Variants in ST7 observed in about 807,000 individuals in gnomAD.
The protein encoded by ST7 is suppressor of tumorigenicity 7 protein.
In ST7, 28 loss-of-function variants were observed where a neutral mutation model predicts 78.7. The observed-to-expected ratio is 0.36, with a 90% CI of 0.26 to 0.49. The LOEUF is 0.49. Ranked by LOEUF, ST7 falls within the 20% of genes least tolerant of loss-of-function variation. The pLI, the probability that ST7 is intolerant of heterozygous loss-of-function variation, is 0.99. For synonymous variants in ST7, 247 were observed against 249.6 expected, an observed-to-expected ratio of 0.99 and a Z score of 0.10; for missense variants, 418 against 696.0, an observed-to-expected ratio of 0.60 and a Z score of 4.49.
intron 12 of ST7, among the ~76,000 whole-genome samples, chr7:117,205,434 C>T (rs1791661295): frequency 6.6e-6 from 1 of 151,804 alleles, no homozygotes; most frequent in Non-Finnish European, 1.5e-5. Context: ...TTTCATATGA[C>T]TTATGCTATT....
At chr7:117,221,466 T>C (rs1793082897) in intron 14 of ST7, among the ~76,000 whole-genome samples, 1 of 152,202 alleles carries the variant, frequency 6.6e-6, no homozygotes, top group African/African-American at 2.4e-5. Context: ...CTCATTATAA[T>C]GATTTTTTAA....
chr7:117,049,509 G>A (rs1034778500), intron 1 of ST7, among the ~76,000 whole-genome samples: 6 of 152,090 alleles, frequency 3.9e-5, no homozygotes, highest in East Asian at 1.9e-4. Context: ...TTAAGTTGTC[G>A]TGTAATGACA....
chr7:117,214,376 A>G (rs1792524735), intron 13 of ST7, among the ~76,000 whole-genome samples: 1 of 152,126 alleles, frequency 6.6e-6, no homozygotes, highest in South Asian at 2.1e-4. Flanking sequence ...ATTTCCTTTG[A>G]GAGGGGAAAA....
chr7:117,047,795 T>G (rs989192398), intron 1 of ST7, among the ~76,000 whole-genome samples: 3 of 152,176 alleles, frequency 2.0e-5, no homozygotes, highest in African/African-American at 7.2e-5. Context: ...AGAAATCGAA[T>G]GCAGAAGTAA....
At chr7:117,139,105 T>G (rs1351403107) in intron 9 of ST7, among the ~76,000 whole-genome samples, 1 of 152,100 alleles carries the variant, frequency 6.6e-6, no homozygotes, top group Non-Finnish European at 1.5e-5. Flanking sequence ...AGCAAATAGG[T>G]GGAAGTTTTA....
At chr7:116,978,729 G>T (rs1445076781) in intron 1 of ST7, among the ~76,000 whole-genome samples, 1 of 152,076 alleles carries the variant, frequency 6.6e-6, no homozygotes, top group Non-Finnish European at 1.5e-5. Context: ...GGGACTACAG[G>T]CATGCACCAC....
intron 10 of ST7, among the ~76,000 whole-genome samples, chr7:117,178,904 C>T (rs999593064): frequency 3.9e-5 from 6 of 152,126 alleles, no homozygotes; most frequent in Admixed American, 1.3e-4. Flanking sequence ...AGTCATTCTC[C>T]CTAAGATGAC....
intron 1 of ST7, among the ~76,000 whole-genome samples, chr7:117,006,873 G>A (rs1795178426): frequency 6.6e-6 from 1 of 152,184 alleles, no homozygotes; most frequent in Non-Finnish European, 1.5e-5. Flanking sequence ...TTTGATGTTA[G>A]TATTGTAGTT....
In ST7 at chr7:117,190,362, G is replaced by A; in HGVS notation, c.1152-472G>A. ...CATGCACACACCCTCTGCCGGAATG[G>A]CCCCAAGCAGGCTCGCCTGCTGCTG... On this transcript the variant is annotated intron_variant, in intron 11 of 15. Coordinates refer to ENST00000323984, the MANE Select transcript of ST7 (RefSeq NM_001369598.1). This position sits in a 1 kb window ranked among gnomAD's most constrained non-coding sequence, Gnocchi z 5.2. 1 of 170,870 alleles carries A rather than the reference G, an allele frequency of 5.9e-6. No homozygotes were observed. Among genetic ancestry groups the A allele is most frequent in the Non-Finnish European group, 1.4e-5 (1 of 71,002 alleles). 10.6% of individuals were successfully genotyped at this position (170,870 alleles called of 1,614,324 possible).
intron 15 of ST7, chr7:117,223,618 C>A: frequency 6.6e-6 from 1 of 151,786 alleles, no homozygotes; most frequent in African/African-American, 2.5e-5. Flanking sequence ...ACTGTCACCA[C>A]CCTGCTCATC....
At chr7:117,130,462 T>C (rs1804254872) in intron 4 of ST7, 29 bp from the exon 5 acceptor site, 1 of 1,528,768 alleles carries the variant, frequency 6.5e-7, no homozygotes, top group African/African-American at 1.4e-5. Context: ...CTCTCAAAAG[T>C]GTCTAATCAT....
intron 1 of ST7, among the ~76,000 whole-genome samples, chr7:116,984,871 C>T (rs1302097061): frequency 2.6e-5 from 4 of 151,976 alleles, no homozygotes; most frequent in Admixed American, 1.3e-4. Context: ...CTGGCATTAC[C>T]CTTGATTTAG....
At chr7:117,102,685 G>C (rs954586841) in intron 2 of ST7, among the ~76,000 whole-genome samples, 1 of 152,088 alleles carries the variant, frequency 6.6e-6, no homozygotes, top group Non-Finnish European at 1.5e-5. Context: ...ATCCAGAGAG[G>C]ACAAGGAGTA....
chr7:117,149,674 G>T (rs1806101177), intron 9 of ST7, among the ~76,000 whole-genome samples: 1 of 144,636 alleles, frequency 6.9e-6, no homozygotes, highest in Non-Finnish European at 1.5e-5. Context: ...GATAGCTGTG[G>T]TTTTTTTGTT....
At chr7:117,221,643 C>T (rs527736670) in intron 14 of ST7, among the ~76,000 whole-genome samples, 3 of 152,258 alleles carry the variant, frequency 2.0e-5, no homozygotes, top group East Asian at 1.9e-4. Context: ...TAGGCATAGG[C>T]GGTGCTCCTC....
chr7:117,071,222 C>CAAAACA (rs535283758), intron 1 of ST7, among the ~76,000 whole-genome samples: 48 of 152,094 alleles, frequency 3.2e-4, no homozygotes, highest in East Asian at 1.9e-3. Flanking sequence ...GACTCCGTCT[C>CAAAACA]AAAACAAAAA....
rs570694637 is a variant in ST7, at chr7:116,997,576, T to C, written c.151+43885T>C. ...CCTTGAGCTAGACACAGAGTGCTGA[T>C]TGGTGTATTTACAATCCTTTAGCTA... On this transcript the variant is annotated intron_variant, in intron 1 of 15. Coordinates refer to ENST00000323984, the MANE Select transcript of ST7 (RefSeq NM_001369598.1). 2.0e-5 allele frequency among the ~76,000 whole-genome samples: 3 copies of C among 152,068 alleles called. No individual in the cohort carries two copies. In the South Asian group the frequency reaches 6.2e-4, roughly 32 times the overall value.
chr7:117,074,305 C>T (rs1215903071), intron 1 of ST7, among the ~76,000 whole-genome samples: 3 of 152,108 alleles, frequency 2.0e-5, no homozygotes, highest in Admixed American at 6.6e-5. Context: ...GCAGGAGAAT[C>T]GCTTGAACCC....
intron 12 of ST7, among the ~76,000 whole-genome samples, 194 bp downstream of exon 12, chr7:117,191,130 T>G (rs535573312): frequency 1.2e-4 from 18 of 152,318 alleles, no homozygotes; most frequent in African/African-American, 4.1e-4. Context: ...GGGGCAGATT[T>G]CCAGACTTCA....
Sources: allele counts gnomAD v4.1 joint callset (sites outside exome capture counted in the v4.1 genomes callset), GRCh38; gene constraint gnomAD v4.1.1; non-coding constraint Gnocchi (gnomAD v3.1); transcripts MANE v1.5; gene names NCBI Gene and HGNC (gene_info 2026-07-23, HGNC 2026-07-21).